Variants in TSHZ2 observed in about 807,000 individuals in gnomAD.
TSHZ2 encodes the protein teashirt zinc finger homeobox 2.
TSHZ2 carries 21 observed loss-of-function variants against 74.4 expected under a neutral mutation model. The ratio of observed to expected loss-of-function variants is 0.28; its 90% CI spans 0.20 to 0.41. The LOEUF (loss-of-function observed/expected upper bound fraction) is 0.41, where lower values mean the gene tolerates loss of function less well. TSHZ2 is among the 10% of genes least tolerant of loss of function. The pLI, the probability that TSHZ2 is intolerant of heterozygous loss-of-function variation, is 1.00. For missense variants in TSHZ2, 1,244 were observed against 1,293.5 expected, an observed-to-expected ratio of 0.96 and a Z score of 0.59; for synonymous variants, 540 against 515.3, an observed-to-expected ratio of 1.05 and a Z score of -0.65.
chr20:53,078,375 C>A (rs1985428890), intron 1 of TSHZ2, among the ~76,000 whole-genome samples: 1 of 151,956 alleles, frequency 6.6e-6, no homozygotes, highest in South Asian at 2.1e-4. Context: ...GAAGATTTGC[C>A]AAGTCCAAGA....
chr20:53,282,644 G>A (rs1368789329), intron 2 of TSHZ2, among the ~76,000 whole-genome samples: 1 of 152,204 alleles, frequency 6.6e-6, no homozygotes, highest in Non-Finnish European at 1.5e-5. Flanking sequence ...GACCATGACT[G>A]ACAGGTGACA....
intron 1 of TSHZ2, among the ~76,000 whole-genome samples, chr20:53,165,617 G>A (rs974887318): frequency 2.0e-5 from 3 of 152,124 alleles, no homozygotes; most frequent in Non-Finnish European, 4.4e-5. Flanking sequence ...TGTTTGCCTG[G>A]GGCAGAAAAA....
intron 2 of TSHZ2, among the ~76,000 whole-genome samples, chr20:53,443,689 C>T (rs1984430682): frequency 6.6e-6 from 1 of 152,180 alleles, no homozygotes; most frequent in Non-Finnish European, 1.5e-5. Flanking sequence ...AGGGGCTTGG[C>T]AGTCACACCC....
intron 1 of TSHZ2, among the ~76,000 whole-genome samples, chr20:53,059,443 A>G (rs1437936184): frequency 6.6e-6 from 1 of 152,234 alleles, no homozygotes; most frequent in Admixed American, 6.5e-5. Flanking sequence ...AAAGACTAGG[A>G]AAAAATAAAT....
Position 53,050,137 on chromosome 20 carries a change from A to G in TSHZ2, c.40+76804A>G, listed in dbSNP as rs8183469. Among the ~76,000 whole-genome samples, 29 of 96,884 alleles carry G rather than the reference A, an allele frequency of 3.0e-4. 1 individual carries two copies. Among genetic ancestry groups the G allele is most frequent in the Admixed American group, 7.5e-4 (7 of 9,336 alleles). 63.6% of individuals were successfully genotyped at this position (96,884 alleles called of 152,430 possible). ...TATATATATATATACACATATATAT[A>G]TGTGTATATATATATACACATATAT... On this transcript the variant is annotated intron_variant, in intron 1 of 2. Transcript: ENST00000371497.
chr20:53,447,580 C>A (rs1016008276), intron 2 of TSHZ2, among the ~76,000 whole-genome samples: 1 of 152,300 alleles, frequency 6.6e-6, no homozygotes, highest in East Asian at 1.9e-4. Context: ...GTTTCAGGAC[C>A]TAACTTGGGC....
At chr20:53,173,663 G>C (rs1354562242) in intron 1 of TSHZ2, among the ~76,000 whole-genome samples, 1 of 152,106 alleles carries the variant, frequency 6.6e-6, no homozygotes, top group Non-Finnish European at 1.5e-5. Flanking sequence ...CAAGCTTTTA[G>C]GTATATTGTT....
chr20:53,477,932 CAG>C (rs1171322858), intron 2 of TSHZ2, among the ~76,000 whole-genome samples: 1 of 149,838 alleles, frequency 6.7e-6, no homozygotes, highest in Non-Finnish European at 1.5e-5. Context: ...CACTGGCCAT[CAG>C]AGAAATGCAA....
chr20:52,982,660 G>A (rs1220748919), intron 1 of TSHZ2, among the ~76,000 whole-genome samples: 2 of 152,320 alleles, frequency 1.3e-5, no homozygotes, highest in East Asian at 1.9e-4. Flanking sequence ...TTGTGGGCTA[G>A]CCTAAAAAGC....
chr20:53,064,746 A>T (rs1190414884), intron 1 of TSHZ2, among the ~76,000 whole-genome samples: 1 of 152,144 alleles, frequency 6.6e-6, no homozygotes, highest in Non-Finnish European at 1.5e-5. Flanking sequence ...TTATGCCCAC[A>T]AAAGTTTGAT....
At position 53,350,832 on chromosome 20, in the gene TSHZ2, C is replaced by T. The variant is rs188948158; in HGVS notation, c.*8+94261C>T. Among the ~76,000 whole-genome samples, 208 of 152,322 alleles carry T rather than the reference C, an allele frequency of 1.4e-3. 1 individual carries two copies. The highest frequency in any genetic ancestry group is 1.9e-3 in the Non-Finnish European group (132 of 68,030). On this transcript the variant is annotated intron_variant, in intron 2 of 2. Coordinates refer to ENST00000371497, the MANE Select transcript of TSHZ2 (RefSeq NM_173485.6). ...GAATATTATAGTAACCTGTGGCTAT[C>T]TTGAAACTTCCAGGTTTTCCCATAT... is the stretch of plus-strand genomic sequence containing the variant.
intron 2 of TSHZ2, among the ~76,000 whole-genome samples, chr20:53,345,323 T>C (rs915488837): frequency 6.6e-6 from 1 of 151,638 alleles, no homozygotes; most frequent in Non-Finnish European, 1.5e-5. Context: ...ACCCCCACCA[T>C]TGCCTGTTAG....
intron 1 of TSHZ2, among the ~76,000 whole-genome samples, chr20:53,047,131 A>G (rs1399173344): frequency 6.6e-6 from 1 of 152,232 alleles, no homozygotes; most frequent in Non-Finnish European, 1.5e-5. Flanking sequence ...CATAATATTT[A>G]TTTGAAACCT....
At chr20:53,096,551 G>T (rs571993590) in intron 1 of TSHZ2, among the ~76,000 whole-genome samples, 1 of 151,816 alleles carries the variant, frequency 6.6e-6, no homozygotes, top group East Asian at 2.0e-4. Flanking sequence ...CTCTAATTTT[G>T]TATGTCATTA....
At chr20:53,041,090 C>T (rs957696551) in intron 1 of TSHZ2, among the ~76,000 whole-genome samples, 1 of 152,190 alleles carries the variant, frequency 6.6e-6, no homozygotes, top group Non-Finnish European at 1.5e-5. Context: ...AATTACCAGA[C>T]AGTGGACTGA....
intron 2 of TSHZ2, among the ~76,000 whole-genome samples, chr20:53,333,877 G>C (rs367635524): frequency 5.3e-5 from 8 of 152,220 alleles, no homozygotes; most frequent in African/African-American, 1.9e-4. Flanking sequence ...CTTGGTAACA[G>C]ACAAAAGCCT....
intron 2 of TSHZ2, among the ~76,000 whole-genome samples, chr20:53,394,859 CAAAAAAAAAAAAAAA>C (rs1005992034): frequency 2.3e-5 from 1 of 44,116 alleles, no homozygotes; most frequent in African/African-American, 7.7e-5. Context: ...CAGAACTCAC[CAAAAAAAAAAAAAAA>C]AAAAAAAAAA....
intron 2 of TSHZ2, among the ~76,000 whole-genome samples, chr20:53,452,063 T>G (rs893365390): frequency 1.3e-5 from 2 of 152,208 alleles, no homozygotes; most frequent in African/African-American, 4.8e-5. Flanking sequence ...AGTGCTGTCA[T>G]CAAGTGTGAA....
At chr20:53,110,213 G>C (rs1986491890) in intron 1 of TSHZ2, among the ~76,000 whole-genome samples, 1 of 152,024 alleles carries the variant, frequency 6.6e-6, no homozygotes, top group Admixed American at 6.6e-5. Context: ...CCTCTAGGCA[G>C]CTTAAGTTGT....
Sources: allele counts gnomAD v4.1 joint callset (sites outside exome capture counted in the v4.1 genomes callset), GRCh38; gene constraint gnomAD v4.1.1; transcripts MANE v1.5; gene names NCBI Gene and HGNC (gene_info 2026-07-23, HGNC 2026-07-21).